Variants in MLF2 observed in about 807,000 individuals in gnomAD.
The protein encoded by MLF2 is myelodysplasia-myeloid leukemia factor 2.
Under a neutral mutation model 31.4 loss-of-function variants are expected in MLF2, and 12 were observed. That is an observed-to-expected ratio of 0.38 (90% confidence interval 0.24 to 0.62). The LOEUF (loss-of-function observed/expected upper bound fraction) is 0.62. MLF2 is among the 20% of genes least tolerant of loss of function. The pLI is 0.58. For missense variants in MLF2, 272 were observed against 359.7 expected (o/e 0.76, Z 1.97); for synonymous variants, 109 against 118.8 (o/e 0.92, Z 0.54).
chr12:6,750,740 C>T lies in MLF2; in HGVS notation c.243G>A (p.Gly81=). ...GMSGGFMDMF[G]MMNDMIGNME... ...TGTTTCCAATCATGTCATTCATCATCCCAAACATGTCCATGAAACCACCCG... is the reference window on the plus strand; with the variant it reads ...TGTTTCCAATCATGTCATTCATCATTCCAAACATGTCCATGAAACCACCCG... Residue 81 remains glycine (G), a synonymous_variant, in exon 5 of 9, where the codon GGG becomes GGA. Coordinates refer to ENST00000203630, the MANE Select transcript of MLF2 (RefSeq NM_001382226.1). This position sits in a 1 kb window ranked among gnomAD's most constrained non-coding sequence, Gnocchi z 5.3. The T allele has an allele frequency of 6.2e-7, 1 of 1,614,088 alleles. No individual in the cohort carries two copies. The highest frequency in any genetic ancestry group is 8.5e-7 in the Non-Finnish European group (1 of 1,180,006).
At position 6,749,726 on chromosome 12, in the gene MLF2, A is replaced by C; in HGVS notation, c.559+122T>G. On this transcript the variant is annotated intron_variant, in intron 7 of 8. Coordinates refer to ENST00000203630, the MANE Select transcript of MLF2 (RefSeq NM_001382226.1). This position sits in a 1 kb window ranked among gnomAD's most constrained non-coding sequence, Gnocchi z 5.3. ...CAACAAGAGCGAGACTCCATCTCAA[A>C]AAAAAAAAAAAAGGAATATGGGGCT... is the stretch of plus-strand genomic sequence containing the variant. The C allele has an allele frequency of 3.5e-6, 4 of 1,132,584 alleles. No homozygotes were observed. Among genetic ancestry groups the C allele is most frequent in the Non-Finnish European group, 3.6e-6 (3 of 829,448 alleles). 70.2% of individuals were successfully genotyped at this position (1,132,584 alleles called of 1,614,324 possible).
At position 6,750,669 on chromosome 12, in the gene MLF2, A is replaced by G; in HGVS notation, c.270+44T>C. ...TAGAGGATGCAAGGTGTTGTCAGCC[A>G]TCACTGAGAGCAAGGCCGGGGAAGG... On this transcript the variant is annotated intron_variant, in intron 5 of 8. Transcript: ENST00000203630. This position sits in a 1 kb window ranked among gnomAD's most constrained non-coding sequence, Gnocchi z 5.3. 2 of 1,591,786 alleles carry G rather than the reference A, an allele frequency of 1.3e-6. No homozygotes were observed. Among genetic ancestry groups the G allele is most frequent in the Non-Finnish European group, 1.7e-6 (2 of 1,159,952 alleles).
Position 6,750,850 on chromosome 12 carries a change from T to C in MLF2, c.217-84A>G, listed in dbSNP as rs1441271227. 8.6e-7 allele frequency: 1 copy of C among 1,165,206 alleles called. No individual in the cohort carries two copies. Among genetic ancestry groups the C allele is most frequent in the Non-Finnish European group, 1.3e-6 (1 of 779,576 alleles). The allele number at this position is 1,165,206 out of a possible 1,614,324, so 72.2% of individuals were successfully genotyped here. A position where few individuals can be genotyped will look rare whatever the true frequency, so the allele number is the denominator to read the frequency against. The stretch of plus-strand genomic sequence containing the variant: ...CCTGTTTAGGAACCCACAACCCACA[T>C]GGCTGCACATTTCCTTTCTCTTCTT... On this transcript the variant is annotated intron_variant, in intron 4 of 8. Transcript: ENST00000203630. The surrounding 1 kb of genome is among the most constrained non-coding windows in gnomAD (Gnocchi z 5.3).
chr12:6,752,311 C>A lies in MLF2; in HGVS notation c.24G>T (p.Val8=). 1 of 1,561,780 alleles carries A rather than the reference C, an allele frequency of 6.4e-7. No homozygotes were observed. The change falls in exon 2 of 9, where the codon GTG becomes GTT. Residue 8 remains valine (V), a synonymous_variant. Transcript: ENST00000203630. This position sits in a 1 kb window ranked among gnomAD's most constrained non-coding sequence, Gnocchi z 4.6. MFRFMRD[V]EPEDPMFLMD... ...TCAGGAACATGGGATCCTCAGGCTC[C>A]ACGTCCCTCATGAAGCGGAACATCC...
Position 6,749,661 on chromosome 12 carries a change from G to A in MLF2, c.559+187C>T. On this transcript the variant is annotated intron_variant, in intron 7 of 8. Coordinates refer to ENST00000203630, the MANE Select transcript of MLF2 (RefSeq NM_001382226.1). This position sits in a 1 kb window ranked among gnomAD's most constrained non-coding sequence, Gnocchi z 5.3. ...ACCCGGGAGGCGGAGGTTGCAGTGA[G>A]CTGAGATCGCGCCACTGCACTCCAG... 1.4e-6 allele frequency: 1 copy of A among 726,542 alleles called. No homozygotes were observed. Among genetic ancestry groups the A allele is most frequent in the Admixed American group, 2.8e-5 (1 of 35,872 alleles). 45.0% of individuals were successfully genotyped at this position (726,542 alleles called of 1,614,324 possible).
In MLF2 at chr12:6,750,114, C is replaced by T. The variant is rs1349072408; in HGVS notation, c.399+63G>A. 3 of 1,612,628 alleles carry T rather than the reference C, an allele frequency of 1.9e-6. No individual in the cohort carries two copies. The highest frequency in any genetic ancestry group is 1.7e-5 in the Admixed American group (1 of 59,938). The stretch of plus-strand genomic sequence containing the variant: ...ACAACCCAATCCGGAAAAAAGCAGC[C>T]AGGGTTTCTGGCGGTGCCGCTCAAT... On this transcript the variant is annotated intron_variant, in intron 6 of 8. Transcript: ENST00000203630. This position sits in a 1 kb window ranked among gnomAD's most constrained non-coding sequence, Gnocchi z 5.3.
rs139808331 is a variant in MLF2 at position 6,749,710 on chromosome 12, C to T, written c.559+138G>A. On this transcript the variant is annotated intron_variant, in intron 7 of 8. Transcript: ENST00000203630. The surrounding 1 kb of genome is among the most constrained non-coding windows in gnomAD (Gnocchi z 5.3). Reference sequence around the variant, plus strand: ...AGCCTGGGCACCTGGGCAACAAGAGCGAGACTCCATCTCAAAAAAAAAAAA... The same window carrying T: ...AGCCTGGGCACCTGGGCAACAAGAGTGAGACTCCATCTCAAAAAAAAAAAA... The T allele has an allele frequency of 2.7e-4, 331 of 1,206,304 alleles. 1 individual carries two copies. In the East Asian group the frequency reaches 7.1e-3, roughly 26 times the overall value. 74.7% of individuals were successfully genotyped at this position (1,206,304 alleles called of 1,614,324 possible).
rs1319775431 is a variant in MLF2, at chr12:6,749,807, G to A, written c.559+41C>T. On this transcript the variant is annotated intron_variant, in intron 7 of 8. Coordinates refer to ENST00000203630, the MANE Select transcript of MLF2 (RefSeq NM_001382226.1). The surrounding 1 kb of genome is among the most constrained non-coding windows in gnomAD (Gnocchi z 5.3). ...GTGTTAGGGATGTCCACGGGAACCG[G>A]GTTAGGGGCTGCCAGCCAGGAAGCG... 1.2e-6 allele frequency: 2 copies of A among 1,611,492 alleles called. No homozygotes were observed. Among genetic ancestry groups the A allele is most frequent in the Non-Finnish European group, 1.7e-6 (2 of 1,178,768 alleles).
chr12:6,749,051 C>A lies in MLF2; in HGVS notation c.560-69G>T. On this transcript the variant is annotated intron_variant, in intron 7 of 8. Transcript: ENST00000203630. This position sits in a 1 kb window ranked among gnomAD's most constrained non-coding sequence, Gnocchi z 5.3. The stretch of plus-strand genomic sequence containing the variant: ...TCCTGGAGGCCGATGTGCGAGCGAG[C>A]CACAGCTTTTCGGGCCAAAGCGGCG... The A allele has an allele frequency of 6.9e-7, 1 of 1,451,672 alleles. No homozygotes were observed. Among genetic ancestry groups the A allele is most frequent in the African/African-American group, 1.5e-5 (1 of 67,032 alleles). The allele number at this position is 1,451,672 out of a possible 1,614,324, so 89.9% of individuals were successfully genotyped here. A position where few individuals can be genotyped will look rare whatever the true frequency, so the allele number is the denominator to read the frequency against.
chr12:6,751,452 A>C (rs891940469), intron 4 of MLF2, among the ~76,000 whole-genome samples, 189 bp downstream of exon 4: 3 of 152,138 alleles, frequency 2.0e-5, no homozygotes, highest in African/African-American at 7.2e-5. Context: ...TCGGCCTCCC[A>C]ACAAGAGTTT....
chr12:6,752,337 T>TCATGCG lies in MLF2; in HGVS notation c.-4_-3insCGCATG. The TCATGCG allele has an allele frequency of 6.4e-7, 1 of 1,559,134 alleles. No individual in the cohort carries two copies. Among genetic ancestry groups the TCATGCG allele is most frequent in the Non-Finnish European group, 8.7e-7 (1 of 1,150,734 alleles). Reference sequence around the variant, plus strand: ...ACGTCCCTCATGAAGCGGAACATCCTGATCTCAGCTCCAGGGGGCTCCACA... The same window carrying TCATGCG: ...ACGTCCCTCATGAAGCGGAACATCCTCATGCGGATCTCAGCTCCAGGGGGCTCCACA... On this transcript the variant is annotated 5_prime_UTR_variant, in exon 2 of 9. In the 5' UTR this introduces an upstream ATG that the reference lacks. Transcript: ENST00000203630. The surrounding 1 kb of genome is among the most constrained non-coding windows in gnomAD (Gnocchi z 4.6).
rs1306276228 is a variant in MLF2 at position 6,749,764 on chromosome 12, T to C, written c.559+84A>G. ...GGAATATGGGGCTGACCCAGAGCTT[T>C]GCCCCAGAAGTGTCTATGTGTTAGG... On this transcript the variant is annotated intron_variant, in intron 7 of 8. Coordinates refer to ENST00000203630, the MANE Select transcript of MLF2 (RefSeq NM_001382226.1). The surrounding 1 kb of genome is among the most constrained non-coding windows in gnomAD (Gnocchi z 5.3). The C allele has an allele frequency of 2.6e-6, 4 of 1,529,188 alleles. No individual in the cohort carries two copies. The highest frequency in any genetic ancestry group is 3.6e-6 in the Non-Finnish European group (4 of 1,120,546). The allele number at this position is 1,529,188 out of a possible 1,614,324, so 94.7% of individuals were successfully genotyped here. A position where few individuals can be genotyped will look rare whatever the true frequency, so the allele number is the denominator to read the frequency against.
In MLF2 at chr12:6,751,322, T is replaced by C. The variant is rs550585334; in HGVS notation, c.216+319A>G. 1.5e-4 allele frequency among the ~76,000 whole-genome samples: 22 copies of C among 150,678 alleles called. No homozygotes were observed. The South Asian group carries it at 3.6e-3, about 24-fold the overall frequency. Reference sequence around the variant, plus strand: ...AATCTCCACCTCCCGGATTCAAGAGTAGCTGGGACTACAGGTGTGTGCCAC... The same window carrying C: ...AATCTCCACCTCCCGGATTCAAGAGCAGCTGGGACTACAGGTGTGTGCCAC... On this transcript the variant is annotated intron_variant, in intron 4 of 8. Coordinates refer to ENST00000203630, the MANE Select transcript of MLF2 (RefSeq NM_001382226.1).
In MLF2 at chr12:6,752,367, A is replaced by G. The variant is rs1165434017; in HGVS notation, c.-28-5T>C. On this transcript the variant is annotated splice_region_variant and splice_polypyrimidine_tract_variant and intron_variant, in intron 1 of 8. Transcript: ENST00000203630. The surrounding 1 kb of genome is among the most constrained non-coding windows in gnomAD (Gnocchi z 4.6). ...TCAGCTCCAGGGGGCTCCACACTGG[A>G]AAGATATGGAAGCTCAGATACTTGG... is the stretch of plus-strand genomic sequence containing the variant. 4 of 1,552,574 alleles carry G rather than the reference A, an allele frequency of 2.6e-6. No individual in the cohort carries two copies. In the South Asian group the frequency reaches 4.8e-5, roughly 18 times the overall value.
In MLF2 at chr12:6,750,855, G is replaced by T; in HGVS notation, c.217-89C>A. The T allele has an allele frequency of 8.9e-7, 1 of 1,127,750 alleles. No homozygotes were observed. The highest frequency in any genetic ancestry group is 2.4e-5 in the East Asian group (1 of 42,026). The allele number at this position is 1,127,750 out of a possible 1,614,324, so 69.9% of individuals were successfully genotyped here. ...TTAGGAACCCACAACCCACATGGCTGCACATTTCCTTTCTCTTCTTCCTTC... is the reference window on the plus strand; with the variant it reads ...TTAGGAACCCACAACCCACATGGCTTCACATTTCCTTTCTCTTCTTCCTTC... On this transcript the variant is annotated intron_variant, in intron 4 of 8. Transcript: ENST00000203630. This position sits in a 1 kb window ranked among gnomAD's most constrained non-coding sequence, Gnocchi z 5.3.
Position 6,751,691 on chromosome 12 carries a change from G to C in MLF2, c.181-15C>G, listed in dbSNP as rs201103961. 2.5e-6 allele frequency: 4 copies of C among 1,614,002 alleles called. No individual in the cohort carries two copies. In the East Asian group the frequency reaches 8.9e-5, roughly 36 times the overall value. ...ACAGCTCCAGCCTACAGGAACACAT[G>C]AGGAACAGAAATTAGAGACCACATC... On this transcript the variant is annotated splice_polypyrimidine_tract_variant and intron_variant, in intron 3 of 8. Transcript: ENST00000203630.
rs913463555 is a variant in MLF2 at position 6,751,693 on chromosome 12, G to A, written c.181-17C>T. The A allele has an allele frequency of 1.2e-6, 2 of 1,613,858 alleles. No individual in the cohort carries two copies. Among genetic ancestry groups the A allele is most frequent in the African/African-American group, 2.7e-5 (2 of 74,908 alleles). On this transcript the variant is annotated splice_polypyrimidine_tract_variant and intron_variant, in intron 3 of 8. Transcript: ENST00000203630. Reference sequence around the variant, plus strand: ...AGCTCCAGCCTACAGGAACACATGAGGAACAGAAATTAGAGACCACATCCT... The same window carrying A: ...AGCTCCAGCCTACAGGAACACATGAAGAACAGAAATTAGAGACCACATCCT...
intron 4 of MLF2, 125 bp downstream of exon 4, chr12:6,751,516 A>C (rs1045930350): frequency 8.8e-7 from 1 of 1,139,794 alleles, no homozygotes. Context: ...AGCTTTGTGA[A>C]TGCCATAAAA....
chr12:6,749,755 C>A lies in MLF2; in HGVS notation c.559+93G>T, dbSNP rs929709675. The A allele has an allele frequency of 1.3e-6, 2 of 1,509,398 alleles. No homozygotes were observed. The highest frequency in any genetic ancestry group is 2.3e-5 in the East Asian group (1 of 43,910). The allele number at this position is 1,509,398 out of a possible 1,614,324, so 93.5% of individuals were successfully genotyped here. A position where few individuals can be genotyped will look rare whatever the true frequency, so the allele number is the denominator to read the frequency against. On this transcript the variant is annotated intron_variant, in intron 7 of 8. Transcript: ENST00000203630. This position sits in a 1 kb window ranked among gnomAD's most constrained non-coding sequence, Gnocchi z 5.3. ...AAAAAAAAAGGAATATGGGGCTGACCCAGAGCTTTGCCCCAGAAGTGTCTA... is the reference window on the plus strand; with the variant it reads ...AAAAAAAAAGGAATATGGGGCTGACACAGAGCTTTGCCCCAGAAGTGTCTA...
Sources: allele counts gnomAD v4.1 joint callset (sites outside exome capture counted in the v4.1 genomes callset), GRCh38; gene constraint gnomAD v4.1.1; non-coding constraint Gnocchi (gnomAD v3.1); transcripts MANE v1.5; gene names NCBI Gene and HGNC (gene_info 2026-07-23, HGNC 2026-07-21).